The following PLCE1 variants were observed in gnomAD, a reference collection of about 807,000 sequenced individuals.
The protein encoded by PLCE1 is 1-phosphatidylinositol 4,5-bisphosphate phosphodiesterase epsilon-1.
Under a neutral mutation model 242.8 loss-of-function variants are expected in PLCE1, and 119 were observed. The ratio of observed to expected loss-of-function variants is 0.49; its 90% CI spans 0.42 to 0.57. The LOEUF (loss-of-function observed/expected upper bound fraction) is 0.57, where lower values mean the gene tolerates loss of function less well. Ranked by LOEUF, PLCE1 falls within the 20% of genes least tolerant of loss-of-function variation. The probability of loss-of-function intolerance (pLI) is 0.00; values close to 1 mark genes in which losing one functional copy is unlikely to be tolerated. For missense variants in PLCE1, 2,441 were observed against 2,788.8 expected, an observed-to-expected ratio of 0.88 and a Z score of 2.81; for synonymous variants, 945 against 1,017.4, an observed-to-expected ratio of 0.93 and a Z score of 1.35.
chr10:94,332,595 A>AT lies in PLCE1; in HGVS notation c.*4653dup, dbSNP rs1455221701. On this transcript the variant is annotated 3_prime_UTR_variant, in exon 33 of 33. Coordinates refer to ENST00000371380, the MANE Select transcript of PLCE1 (RefSeq NM_016341.4). ...AGCGTATGTAAGTTAATGCACAAAT[A>AT]TATTTCCTCAAATTCACATAGGATA... 1.3e-5 allele frequency: 2 copies of AT among 152,066 alleles called. No individual in the cohort carries two copies. The highest frequency in any genetic ancestry group is 6.6e-5 in the Admixed American group (1 of 15,258). The allele number at this position is 152,066 out of a possible 1,614,324, so 9.4% of individuals were successfully genotyped here. A position where few individuals can be genotyped will look rare whatever the true frequency, so the allele number is the denominator to read the frequency against.
chr10:94,238,732 T>C (rs898879886), intron 7 of PLCE1, among the ~76,000 whole-genome samples: 7 of 152,088 alleles, frequency 4.6e-5, no homozygotes, highest in East Asian at 3.8e-4. Context: ...GAAATAGAAA[T>C]GAGGAGTATG....
chr10:94,302,409 C>T (rs907359468), intron 24 of PLCE1, among the ~76,000 whole-genome samples: 3 of 152,084 alleles, frequency 2.0e-5, no homozygotes, highest in African/African-American at 7.2e-5. Context: ...TTTTTAAAAG[C>T]TTCAAAGTTT....
intron 30 of PLCE1, 71 bp downstream of exon 30, chr10:94,322,130 T>C: frequency 2.9e-6 from 4 of 1,389,278 alleles, no homozygotes; most frequent in Non-Finnish European, 4.1e-6. Context: ...GTCTGTGCAC[T>C]GATGGCTCAT....
At chr10:94,256,089 T>G (rs1286688057) in intron 11 of PLCE1, among the ~76,000 whole-genome samples, 1 of 149,306 alleles carries the variant, frequency 6.7e-6, no homozygotes, top group Non-Finnish European at 1.5e-5. Flanking sequence ...CTTTAGGAGG[T>G]CAGGGAAGGA....
intron 2 of PLCE1, chr10:94,088,980 T>G: frequency 1.7e-6 from 2 of 1,170,586 alleles, no homozygotes; most frequent in East Asian, 2.5e-5. Context: ...CCTCCCTCGA[T>G]TCTGGGTATT....
chr10:94,237,546 G>C (rs1164860520), intron 7 of PLCE1, among the ~76,000 whole-genome samples: 2 of 152,072 alleles, frequency 1.3e-5, no homozygotes, highest in Admixed American at 6.5e-5. Flanking sequence ...TCCAAGCCCT[G>C]CTGCAAGCAC....
intron 2 of PLCE1, among the ~76,000 whole-genome samples, chr10:94,121,690 T>C (rs571104545): frequency 6.6e-6 from 1 of 152,234 alleles, no homozygotes; most frequent in East Asian, 1.9e-4. Context: ...ACATGATCAG[T>C]GTGACGCAAA....
At position 94,259,163 on chromosome 10, in the gene PLCE1, T is replaced by C. The variant is rs199705167; in HGVS notation, c.3814+13T>C. The C allele has an allele frequency of 1.2e-6, 2 of 1,613,690 alleles. No individual in the cohort carries two copies. Among genetic ancestry groups the C allele is most frequent in the Non-Finnish European group, 1.7e-6 (2 of 1,179,680 alleles). ...CAGCCTGACCTAGGTTTGTTGAACATTTTAGGATTTCCCTTTGGGATCAAT... is the reference window on the plus strand; with the variant it reads ...CAGCCTGACCTAGGTTTGTTGAACACTTTAGGATTTCCCTTTGGGATCAAT... On this transcript the variant is annotated intron_variant, in intron 13 of 32. Coordinates refer to ENST00000371380, the MANE Select transcript of PLCE1 (RefSeq NM_016341.4).
intron 16 of PLCE1, among the ~76,000 whole-genome samples, chr10:94,268,036 G>A (rs575083585): frequency 7.9e-5 from 12 of 152,196 alleles, no homozygotes; most frequent in African/African-American, 2.9e-4. Flanking sequence ...TCTTGGCTTG[G>A]GTCACTATTC....
chr10:94,304,917 G>C (rs2133617052), intron 25 of PLCE1, among the ~76,000 whole-genome samples: 1 of 152,264 alleles, frequency 6.6e-6, no homozygotes, highest in Middle Eastern at 3.4e-3. Flanking sequence ...GTCTTCCAGG[G>C]CCCACAGAAT....
At chr10:94,062,531 C>T (rs1209938406) in intron 2 of PLCE1, among the ~76,000 whole-genome samples, 2 of 149,868 alleles carry the variant, frequency 1.3e-5, no homozygotes, top group East Asian at 3.9e-4. Context: ...CACACCATGT[C>T]TGGTATATAT....
At chr10:94,112,710 G>A (rs1362572022) in intron 2 of PLCE1, among the ~76,000 whole-genome samples, 4 of 152,100 alleles carry the variant, frequency 2.6e-5, no homozygotes, top group South Asian at 4.1e-4. Context: ...TGTTCCCCAC[G>A]TGACTCTAAG....
At chr10:94,315,394 G>A (rs1293131149) in intron 28 of PLCE1, 3 of 455,892 alleles carry the variant, frequency 6.6e-6, no homozygotes, top group Non-Finnish European at 1.3e-5. Context: ...CTTCTCACGG[G>A]AAGGCAACAA....
chr10:94,241,513 C>T (rs925307626), intron 7 of PLCE1, among the ~76,000 whole-genome samples: 12 of 152,122 alleles, frequency 7.9e-5, no homozygotes, highest in African/African-American at 2.9e-4. Flanking sequence ...GCCCCTTGGC[C>T]GGGCATGGTG....
At chr10:94,316,431 T>C in intron 28 of PLCE1, 116 bp from the exon 29 acceptor site, 1 of 705,876 alleles carries the variant, frequency 1.4e-6, no homozygotes, top group Non-Finnish European at 2.6e-6. Flanking sequence ...AATTATGCAA[T>C]ACTCTAGAGT....
chr10:94,088,241 A>G (rs2044914702), intron 2 of PLCE1: 1 of 152,244 alleles, frequency 6.6e-6, no homozygotes, highest in Admixed American at 6.5e-5. Context: ...ATAATGCATG[A>G]AAGTGCTTAC....
chr10:94,220,446 C>T (rs1302722399), intron 4 of PLCE1, among the ~76,000 whole-genome samples: 6 of 128,264 alleles, frequency 4.7e-5, no homozygotes, highest in East Asian at 5.3e-4. Flanking sequence ...TAGAAACATG[C>T]TCTTTTATTC....
At chr10:94,072,412 G>T (rs1286288941) in intron 2 of PLCE1, among the ~76,000 whole-genome samples, 2 of 152,038 alleles carry the variant, frequency 1.3e-5, no homozygotes, top group African/African-American at 4.8e-5. Flanking sequence ...GAGCAACTGG[G>T]ACTACAGGCA....
intron 7 of PLCE1, 129 bp downstream of exon 7, chr10:94,236,249 C>T: frequency 2.7e-6 from 2 of 732,004 alleles, no homozygotes; most frequent in Admixed American, 2.1e-5. Context: ...CATTAAGCCA[C>T]ACTTCTTTAT....
Sources: allele counts gnomAD v4.1 joint callset (sites outside exome capture counted in the v4.1 genomes callset), GRCh38; gene constraint gnomAD v4.1.1; transcripts MANE v1.5; gene names NCBI Gene and HGNC (gene_info 2026-07-23, HGNC 2026-07-21).